The following PARP4 variants were observed in gnomAD, a reference collection of about 807,000 sequenced individuals.
PARP4 encodes the protein poly(ADP-ribose) polymerase family member 4, also known as protein mono-ADP-ribosyltransferase PARP4.
PARP4 carries 120 observed loss-of-function variants against 187.7 expected under a neutral mutation model. The observed-to-expected ratio is 0.64, with a 90% CI of 0.55 to 0.74. The LOEUF is 0.74. PARP4 is among the 30% of genes least tolerant of loss of function. The pLI is 0.00. For missense variants in PARP4, 1,836 were observed against 2,070.5 expected (o/e 0.89, Z 2.20); for synonymous variants, 654 against 740.9 (o/e 0.88, Z 1.90).
chr13:24,478,098 A>T lies in PARP4; in HGVS notation c.1627T>A (p.Phe543Ile). ...CTTCCTTGAAATAAAAATACCTCAAAGTCTGTGGTGACAGAGGCTGTTTGC... is the reference window on the plus strand; with the variant it reads ...CTTCCTTGAAATAAAAATACCTCAATGTCTGTGGTGACAGAGGCTGTTTGC... ...VSQTASVTTDFEDDEFVVYKT... is the reference protein window; with the variant it reads ...VSQTASVTTDIEDDEFVVYKT... The change falls in exon 13 of 34, where the codon TTT (phenylalanine) becomes ATT (isoleucine). Residue 543 changes from phenylalanine to isoleucine, a missense_variant. Transcript: ENST00000381989. 2 of 1,595,820 alleles carry T rather than the reference A, an allele frequency of 1.3e-6. No individual in the cohort carries two copies. Among genetic ancestry groups the T allele is most frequent in the Non-Finnish European group, 8.5e-7 (1 of 1,170,950 alleles).
chr13:24,443,985 T>A (rs148887794), intron 27 of PARP4, among the ~76,000 whole-genome samples: 1 of 152,214 alleles, frequency 6.6e-6, no homozygotes. Context: ...CAGCTCCTCA[T>A]CTGCTTTCTG....
chr13:24,468,547 G>A (rs1872590386), intron 17 of PARP4, among the ~76,000 whole-genome samples: 1 of 152,024 alleles, frequency 6.6e-6, no homozygotes, highest in Non-Finnish European at 1.5e-5. Flanking sequence ...TGGGATTACA[G>A]GTACCTGCCA....
At chr13:24,448,278 T>C (rs1331645233) in intron 25 of PARP4, among the ~76,000 whole-genome samples, 7 of 151,976 alleles carry the variant, frequency 4.6e-5, no homozygotes, top group Non-Finnish European at 1.0e-4. Flanking sequence ...AGTGGTGGCA[T>C]ATGCCTGTAG....
intron 2 of PARP4, 57 bp downstream of exon 2, chr13:24,503,588 C>T: frequency 6.3e-7 from 1 of 1,589,034 alleles, no homozygotes; most frequent in Non-Finnish European, 8.6e-7. Flanking sequence ...AACCATGACC[C>T]TGTTCCCTGA....
chr13:24,428,385 T>G (rs1302942198), intron 32 of PARP4, among the ~76,000 whole-genome samples: 1 of 152,212 alleles, frequency 6.6e-6, no homozygotes, highest in Non-Finnish European at 1.5e-5. Flanking sequence ...TTTCTTTGGG[T>G]GATCTCATCC....
intron 17 of PARP4, among the ~76,000 whole-genome samples, chr13:24,465,307 T>G (rs527261025): frequency 1.3e-5 from 2 of 152,328 alleles, no homozygotes; most frequent in African/African-American, 4.8e-5. Context: ...CAAAGGAATA[T>G]AAATCATTCC....
At chr13:24,485,174 TATAG>T (rs1159727494) in intron 11 of PARP4, among the ~76,000 whole-genome samples, 3 of 152,234 alleles carry the variant, frequency 2.0e-5, no homozygotes, top group African/African-American at 7.2e-5. Flanking sequence ...CATTTATCTC[TATAG>T]ATAGTATTGA....
chr13:24,436,542 A>G (rs1269201959), intron 30 of PARP4, among the ~76,000 whole-genome samples: 3 of 152,332 alleles, frequency 2.0e-5, no homozygotes, highest in South Asian at 2.1e-4. Flanking sequence ...TCCTGGGCTC[A>G]AGTGATCCTC....
At chr13:24,487,207 C>G (rs934948857) in intron 10 of PARP4, among the ~76,000 whole-genome samples, 3 of 151,244 alleles carry the variant, frequency 2.0e-5, no homozygotes, top group Non-Finnish European at 4.4e-5. Context: ...TTGCAGTGAG[C>G]CAAGATCACG....
At chr13:24,443,260 G>T (rs1370296855) in intron 28 of PARP4, among the ~76,000 whole-genome samples, 2 of 151,002 alleles carry the variant, frequency 1.3e-5, no homozygotes, top group Non-Finnish European at 2.9e-5. Context: ...GGGGAGTCAG[G>T]TGGGCTTTGG....
intron 30 of PARP4, among the ~76,000 whole-genome samples, chr13:24,437,532 A>C (rs1870690912): frequency 1.3e-5 from 2 of 152,156 alleles, no homozygotes; most frequent in South Asian, 4.1e-4. Context: ...AAAATGACTA[A>C]AATCTCAATT....
intron 25 of PARP4, among the ~76,000 whole-genome samples, chr13:24,449,367 G>A (rs375600398): frequency 2.4e-4 from 32 of 133,014 alleles, no homozygotes; most frequent in Admixed American, 5.6e-4. Context: ...CAGCCTGGGC[G>A]ACAGAGCAAG....
intron 6 of PARP4, among the ~76,000 whole-genome samples, chr13:24,495,995 G>A (rs1249773494): frequency 6.6e-6 from 1 of 152,020 alleles, no homozygotes; most frequent in Non-Finnish European, 1.5e-5. Context: ...ACTCGGGCTC[G>A]CTAAGGGAGG....
chr13:24,504,838 C>G (rs574984637), intron 1 of PARP4, among the ~76,000 whole-genome samples: 2 of 151,776 alleles, frequency 1.3e-5, no homozygotes, highest in African/African-American at 4.8e-5. Flanking sequence ...AGATTACAGG[C>G]GCCCACCATG....
chr13:24,506,375 A>T (rs1000971098), intron 1 of PARP4, among the ~76,000 whole-genome samples: 1 of 152,150 alleles, frequency 6.6e-6, no homozygotes, highest in African/African-American at 2.4e-5. Context: ...AGTGAAAAAC[A>T]AAGCTTCCAC....
chr13:24,446,897 C>T (rs1366445690), intron 26 of PARP4, 119 bp downstream of exon 26: 2 of 1,416,720 alleles, frequency 1.4e-6, no homozygotes, highest in Non-Finnish European at 1.9e-6. Context: ...TGGCTAACCA[C>T]CAGCTGTGTT....
At chr13:24,441,823 C>G in intron 30 of PARP4, 23 bp downstream of exon 30, 4 of 1,559,780 alleles carry the variant, frequency 2.6e-6, no homozygotes, top group Non-Finnish European at 3.5e-6. Flanking sequence ...TCAATATCAA[C>G]TTATTCGGTA....
chr13:24,463,785 A>G (rs1201043303), intron 17 of PARP4, among the ~76,000 whole-genome samples: 1 of 152,168 alleles, frequency 6.6e-6, no homozygotes, highest in Non-Finnish European at 1.5e-5. Context: ...TAGTATTGGA[A>G]GTTCCGGCCA....
At position 24,469,063 on chromosome 13, in the gene PARP4, G is replaced by C. The variant is rs202099337; in HGVS notation, c.2094C>G (p.Thr698=). 6.2e-7 allele frequency: 1 copy of C among 1,613,880 alleles called. No individual in the cohort carries two copies. The highest frequency in any genetic ancestry group is 2.2e-5 in the East Asian group (1 of 44,882). The change falls in exon 17 of 34, where the codon ACC becomes ACG. Residue 698 remains threonine (T), a synonymous_variant. Coordinates refer to ENST00000381989, the MANE Select transcript of PARP4 (RefSeq NM_006437.4). ...EAQQEYLEAV[T]QGHGAYLMSQ... ...TCATCAGGTAAGCGCCATGGCCCTG[G>C]GTCACGGCTTCTAGGTACTCTTGCT... is the stretch of plus-strand genomic sequence containing the variant.
Sources: allele counts gnomAD v4.1 joint callset (sites outside exome capture counted in the v4.1 genomes callset), GRCh38; gene constraint gnomAD v4.1.1; transcripts MANE v1.5; gene names NCBI Gene and HGNC (gene_info 2026-07-23, HGNC 2026-07-21).